The following CD38 variants were observed in gnomAD, a reference collection of about 807,000 sequenced individuals.
The protein encoded by CD38 is ADP-ribosyl cyclase/cyclic ADP-ribose hydrolase 1.
Under a neutral mutation model 36.3 loss-of-function variants are expected in CD38, and 31 were observed. That is an observed-to-expected ratio of 0.85 (90% confidence interval 0.64 to 1.15). CD38 has a LOEUF of 1.15. Ranked by LOEUF, CD38 falls within the 50% of genes most tolerant of loss-of-function variation. The probability of loss-of-function intolerance (pLI) is 0.00; values close to 1 mark genes in which losing one functional copy is unlikely to be tolerated. For missense variants in CD38, 380 were observed against 371.9 expected (o/e 1.02, Z -0.18); for synonymous variants, 131 against 135.2 (o/e 0.97, Z 0.22).
intron 1 of CD38, 107 bp from the exon 2 acceptor site, chr4:15,816,404 T>C: frequency 1.2e-6 from 1 of 865,464 alleles, no homozygotes; most frequent in East Asian, 2.8e-5. Context: ...ATGAACTACC[T>C]GGCATATAAT....
At chr4:15,813,187 G>C (rs1327384483) in intron 1 of CD38, among the ~76,000 whole-genome samples, 8 of 152,078 alleles carry the variant, frequency 5.3e-5, no homozygotes, top group Non-Finnish European at 8.8e-5. Flanking sequence ...AGACATCTTT[G>C]GACTGTACTT....
At chr4:15,791,661 T>C (rs1366704986) in intron 1 of CD38, among the ~76,000 whole-genome samples, 11 of 92,884 alleles carry the variant, frequency 1.2e-4, no homozygotes, top group African/African-American at 7.4e-4. Flanking sequence ...AGCCGCCCCG[T>C]CCGGGAGGGA....
At chr4:15,815,410 T>G (rs116151954) in intron 1 of CD38, among the ~76,000 whole-genome samples, 1,787 of 152,318 alleles carry the variant, frequency 0.012, 28 homozygotes, top group African/African-American at 0.04. Flanking sequence ...GCATGGAATT[T>G]TTTCTATTTG....
At chr4:15,818,546 TCTC>T (rs574040146) in intron 2 of CD38, among the ~76,000 whole-genome samples, 3 of 152,238 alleles carry the variant, frequency 2.0e-5, no homozygotes, top group African/African-American at 7.2e-5. Context: ...GACCCCTGTG[TCTC>T]CTGACTGAGA....
In CD38 at chr4:15,808,033, G is replaced by C. The variant is rs138725058; in HGVS notation, c.234-8478G>C. Among the ~76,000 whole-genome samples, 689 of 152,312 alleles carry C rather than the reference G, an allele frequency of 4.5e-3. 10 individuals carry two copies. Among genetic ancestry groups the C allele is most frequent in the Non-Finnish European group, 4.8e-3 (325 of 68,030 alleles). On this transcript the variant is annotated intron_variant, in intron 1 of 7. Transcript: ENST00000226279. ...TCATGCAGGAAGGAAGGCAGGACCA[G>C]TGGGGCTTTGCAGGTTGTGCCATTC... is the stretch of plus-strand genomic sequence containing the variant.
intron 1 of CD38, among the ~76,000 whole-genome samples, chr4:15,814,296 T>C (rs796305254): frequency 2.6e-5 from 4 of 152,326 alleles, no homozygotes; most frequent in African/African-American, 9.6e-5. Context: ...GATGGGGTTG[T>C]TTTTTTCTTG....
At chr4:15,817,799 G>A (rs1201543630) in intron 2 of CD38, among the ~76,000 whole-genome samples, 2 of 152,126 alleles carry the variant, frequency 1.3e-5, no homozygotes, top group Non-Finnish European at 2.9e-5. Context: ...AATAGGAACA[G>A]CTCCAGTCTG....
Position 15,848,871 on chromosome 4 carries a change from T to C in CD38, c.*269T>C. The C allele has an allele frequency of 3.4e-6, 1 of 295,754 alleles. No individual in the cohort carries two copies. Among genetic ancestry groups the C allele is most frequent in the Non-Finnish European group, 6.3e-6 (1 of 159,492 alleles). 18.3% of individuals were successfully genotyped at this position (295,754 alleles called of 1,614,324 possible). On this transcript the variant is annotated 3_prime_UTR_variant, in exon 8 of 8. Transcript: ENST00000226279. ...TTAAGTTACTTCACTTTAATTCTCA[T>C]GTGATCCTTTTATGTTATTTATATA... is the stretch of plus-strand genomic sequence containing the variant.
intron 2 of CD38, among the ~76,000 whole-genome samples, chr4:15,821,478 T>C (rs1723733258): frequency 6.6e-6 from 1 of 151,614 alleles, no homozygotes; most frequent in Non-Finnish European, 1.5e-5. Context: ...AAGAATCAGA[T>C]AGATACAATA....
chr4:15,782,946 G>A (rs1007554857), intron 1 of CD38, among the ~76,000 whole-genome samples: 1 of 152,148 alleles, frequency 6.6e-6, no homozygotes, highest in Admixed American at 6.6e-5. Context: ...CTCACTTTCT[G>A]CAAGTTTTTT....
chr4:15,830,589 T>C (rs1723940410), intron 3 of CD38, among the ~76,000 whole-genome samples: 1 of 152,178 alleles, frequency 6.6e-6, no homozygotes, highest in Admixed American at 6.5e-5. Flanking sequence ...AGAAGCTTTT[T>C]AACTTGATGT....
rs1185491470 is a variant in CD38, at chr4:15,778,600, C to T, written c.186C>T (p.Thr62=). ...GPGTTKRFPE[T]VLARCVKYTE... ...GCACCACCAAGCGCTTTCCCGAGAC[C>T]GTCCTGGCGCGATGCGTCAAGTACA... The change falls in exon 1 of 8, where the codon ACC becomes ACT. Residue 62 remains threonine, a synonymous_variant. Coordinates refer to ENST00000226279, the MANE Select transcript of CD38 (RefSeq NM_001775.4). The surrounding 1 kb of genome is among the most constrained non-coding windows in gnomAD (Gnocchi z 4.9). 1 of 1,613,744 alleles carries T rather than the reference C, an allele frequency of 6.2e-7. No homozygotes were observed. Among genetic ancestry groups the T allele is most frequent in the Middle Eastern group, 1.6e-4 (1 of 6,062 alleles).
intron 2 of CD38, among the ~76,000 whole-genome samples, chr4:15,823,737 T>C (rs13434425): frequency 0.041 from 6,257 of 152,272 alleles, 189 homozygotes; most frequent in African/African-American, 0.077. Flanking sequence ...AGTTCAACCA[T>C]TGTGGAAGAT....
rs1202785880 is a variant in CD38 at position 15,834,216 on chromosome 4, G to A, written c.500-1G>A. On this transcript the variant is annotated splice_acceptor_variant, in intron 3 of 7. Transcript: ENST00000226279. LOFTEE classifies it high-confidence loss of function. ...TATTTTCTACAAACTATGTCTTTTA[G>A]AAATAAACTATCAATCTTGCCCAGA... The A allele has an allele frequency of 6.3e-7, 1 of 1,587,376 alleles. No homozygotes were observed. Among genetic ancestry groups the A allele is most frequent in the Non-Finnish European group, 8.7e-7 (1 of 1,155,882 alleles).
chr4:15,812,186 T>C (rs1042932649), intron 1 of CD38, among the ~76,000 whole-genome samples: 4 of 152,222 alleles, frequency 2.6e-5, no homozygotes, highest in Admixed American at 6.5e-5. Context: ...ACCAATTATC[T>C]TGATTACTGT....
chr4:15,799,709 T>C (rs1431148914), intron 1 of CD38, among the ~76,000 whole-genome samples: 2 of 152,214 alleles, frequency 1.3e-5, no homozygotes, highest in East Asian at 1.9e-4. Context: ...TACAAGTTAT[T>C]GTATGGACAT....
At chr4:15,812,151 C>T (rs1422685714) in intron 1 of CD38, among the ~76,000 whole-genome samples, 1 of 152,084 alleles carries the variant, frequency 6.6e-6, no homozygotes, top group Non-Finnish European at 1.5e-5. Flanking sequence ...TAGAACTGGT[C>T]CTGTGATTAC....
chr4:15,815,248 G>A (rs1396721047), intron 1 of CD38, among the ~76,000 whole-genome samples: 4 of 151,998 alleles, frequency 2.6e-5, no homozygotes, highest in Middle Eastern at 3.2e-3. Context: ...TTGGCTATAC[G>A]GGCTCTTTTT....
intron 3 of CD38, among the ~76,000 whole-genome samples, chr4:15,831,151 C>A (rs1723950694): frequency 6.6e-6 from 1 of 151,974 alleles, no homozygotes; most frequent in Admixed American, 6.6e-5. Flanking sequence ...AAACAGAAAG[C>A]TAATACAAAC....
Sources: gnomAD v4.1 joint callset for allele counts (sites outside exome capture counted in the v4.1 genomes callset) on GRCh38, gnomAD v4.1.1 for gene constraint, Gnocchi (gnomAD v3.1) non-coding constraint, MANE v1.5 for transcripts, NCBI Gene and HGNC (gene_info 2026-07-23, HGNC 2026-07-21) for gene names.